The following KCNG3 variants were observed in gnomAD, a reference collection of about 807,000 sequenced individuals.
KCNG3 encodes the protein voltage-gated potassium channel regulatory subunit KCNG3.
In KCNG3, 15 loss-of-function variants were observed where a neutral mutation model predicts 29.0. The ratio of observed to expected loss-of-function variants is 0.52; its 90% CI spans 0.35 to 0.80. The LOEUF (loss-of-function observed/expected upper bound fraction) is 0.80. Ranked by LOEUF, KCNG3 falls within the 30% of genes least tolerant of loss-of-function variation. The pLI is 0.01. For missense variants in KCNG3, 512 were observed against 605.7 expected (o/e 0.85, Z 1.62); for synonymous variants, 322 against 248.9 (o/e 1.29, Z -2.76).
chr2:42,488,539 T>C (rs1673785086), intron 1 of KCNG3, among the ~76,000 whole-genome samples: 1 of 151,704 alleles, frequency 6.6e-6, no homozygotes, highest in Non-Finnish European at 1.5e-5. Flanking sequence ...ATAGACCTTA[T>C]TCATTTTCTT....
chr2:42,434,666 C>CA, the KCNG3 span, among the ~76,000 whole-genome samples: 12,613 of 64,706 alleles, frequency 0.19, 1,612 homozygotes, highest in African/African-American at 0.33. Context: ...AACTCCATCT[C>CA]AAAAAAAAAA....
chr2:42,486,770 C>T (rs1014508992), intron 1 of KCNG3, among the ~76,000 whole-genome samples: 3 of 152,224 alleles, frequency 2.0e-5, no homozygotes, highest in Admixed American at 1.3e-4. Flanking sequence ...AGCTCCATGA[C>T]AGCAGGAACC....
At chr2:42,407,880 C>A in the KCNG3 span, among the ~76,000 whole-genome samples, 1 of 152,188 alleles carries the variant, frequency 6.6e-6, no homozygotes, top group Admixed American at 6.5e-5. Flanking sequence ...TGCAGCCACC[C>A]AAACCGTGGC....
intron 1 of KCNG3, among the ~76,000 whole-genome samples, chr2:42,449,478 A>C (rs1441986528): frequency 3.3e-5 from 5 of 151,394 alleles, no homozygotes; most frequent in Admixed American, 3.3e-4. Flanking sequence ...ATTGAAAAAA[A>C]AAAAAGTCTG....
chr2:42,458,685 G>A (rs1213662099), intron 1 of KCNG3, among the ~76,000 whole-genome samples: 1 of 152,096 alleles, frequency 6.6e-6, no homozygotes, highest in Non-Finnish European at 1.5e-5. Flanking sequence ...TGGAGTGTCT[G>A]CAGTGTAGCC....
At chr2:42,477,422 C>CAGACACAT (rs11280811) in intron 1 of KCNG3, among the ~76,000 whole-genome samples, 839 of 40,750 alleles carry the variant, frequency 0.021, 15 homozygotes, top group African/African-American at 0.052. Flanking sequence ...CACACACACA[C>CAGACACAT]ATATATTTTT....
intron 1 of KCNG3, among the ~76,000 whole-genome samples, chr2:42,449,755 A>G (rs957238832): frequency 1.3e-5 from 2 of 152,104 alleles, no homozygotes; most frequent in African/African-American, 4.8e-5. Context: ...CCAGCCTGGG[A>G]TTTCTAAATT....
intron 1 of KCNG3, among the ~76,000 whole-genome samples, chr2:42,484,119 A>C (rs377020808): frequency 1.3e-5 from 2 of 152,188 alleles, no homozygotes; most frequent in African/African-American, 2.4e-5. Flanking sequence ...TAAGTAAAAA[A>C]GGCCAATTGC....
chr2:42,449,544 G>T (rs1672696925), intron 1 of KCNG3, among the ~76,000 whole-genome samples: 1 of 136,438 alleles, frequency 7.3e-6, no homozygotes, highest in African/African-American at 2.8e-5. Flanking sequence ...TTGAGACAGG[G>T]TCTCACTCTG....
chr2:42,453,329 G>A (rs1672808219), intron 1 of KCNG3, among the ~76,000 whole-genome samples: 1 of 152,078 alleles, frequency 6.6e-6, no homozygotes, highest in Non-Finnish European at 1.5e-5. Context: ...AGTGTATGAG[G>A]GATCCCTTTT....
chr2:42,411,328 T>C, the KCNG3 span, among the ~76,000 whole-genome samples: 598 of 152,316 alleles, frequency 3.9e-3, 4 homozygotes, highest in Non-Finnish European at 6.9e-3. Context: ...AGCATTTTTA[T>C]TGCTCCTACA....
rs1455931660 is a variant in KCNG3 at position 42,442,534 on chromosome 2, A to G, written c.*1400T>C. 1 of 152,148 alleles carries G rather than the reference A, an allele frequency of 6.6e-6. No homozygotes were observed. The highest frequency in any genetic ancestry group is 1.5e-5 in the Non-Finnish European group (1 of 68,050). The allele number at this position is 152,148 out of a possible 1,614,324, so 9.4% of individuals were successfully genotyped here. ...TAATGAACACTTCTGGTAACCCTTT[A>G]TTTGATAAATATATCCAGGTCCTCC... On this transcript the variant is annotated 3_prime_UTR_variant, in exon 2 of 2. Coordinates refer to ENST00000306078, the MANE Select transcript of KCNG3 (RefSeq NM_133329.6).
rs1399829485 is a variant in KCNG3 at position 42,444,503 on chromosome 2, C to T, written c.742G>A (p.Glu248Lys). The change falls in exon 2 of 2, where the codon GAG (glutamate) becomes AAG (lysine). Residue 248 changes from glutamate (E) to lysine (K), a missense_variant. Physicochemically the swap from Glu to Lys is moderately conservative, Grantham distance 56 (BLOSUM62 1). Transcript: ENST00000306078. This position sits in a 1 kb window ranked among gnomAD's most constrained non-coding sequence, Gnocchi z 5.8. ...ATGTTCAGGGGTCTCTTGACAAACT[C>T]ACACTTGTTTTTGGAGACAATGAAC... is the stretch of plus-strand genomic sequence containing the variant. ...VRFIVSKNKC[E>K]FVKRPLNIID... is the part of the protein sequence containing the mutation. 6.2e-7 allele frequency: 1 copy of T among 1,614,186 alleles called. No individual in the cohort carries two copies.
chr2:42,487,743 C>T (rs1673764307), intron 1 of KCNG3, among the ~76,000 whole-genome samples: 1 of 152,092 alleles, frequency 6.6e-6, no homozygotes, highest in African/African-American at 2.4e-5. Context: ...CTCCTTTGAC[C>T]CAATGATTTA....
the KCNG3 span, among the ~76,000 whole-genome samples, chr2:42,420,556 G>A: frequency 1.8e-4 from 28 of 152,226 alleles, no homozygotes; most frequent in African/African-American, 2.9e-4. Flanking sequence ...TTGGGAGGCC[G>A]AGGCAGGTGG....
intron 1 of KCNG3, among the ~76,000 whole-genome samples, chr2:42,481,274 T>C (rs1673576922): frequency 6.6e-6 from 1 of 152,144 alleles, no homozygotes; most frequent in African/African-American, 2.4e-5. Flanking sequence ...AGAATATCTT[T>C]ACCCAGAAAA....
the KCNG3 span, among the ~76,000 whole-genome samples, chr2:42,410,130 A>G: frequency 7.2e-5 from 11 of 152,170 alleles, no homozygotes; most frequent in African/African-American, 2.4e-4. Context: ...ATAGGTGGAT[A>G]AGAGCTTCCT....
the KCNG3 span, among the ~76,000 whole-genome samples, chr2:42,398,019 C>A: frequency 1.3e-5 from 2 of 151,950 alleles, no homozygotes; most frequent in Admixed American, 6.6e-5. Flanking sequence ...GTCAGGAGAT[C>A]GAGACCATCC....
intron 1 of KCNG3, among the ~76,000 whole-genome samples, chr2:42,489,311 C>G (rs10180328): frequency 0.12 from 18,947 of 152,154 alleles, 1,385 homozygotes; most frequent in South Asian, 0.18. Flanking sequence ...AATCACCTGA[C>G]TCCAGGAGTT....
Sources: gnomAD v4.1 joint callset for allele counts (sites outside exome capture counted in the v4.1 genomes callset) on GRCh38, gnomAD v4.1.1 for gene constraint, Gnocchi (gnomAD v3.1) non-coding constraint, MANE v1.5 for transcripts, NCBI Gene and HGNC (gene_info 2026-07-23, HGNC 2026-07-21) for gene names.